The following PPP4R3B variants were observed in gnomAD, a reference collection of about 807,000 sequenced individuals.
The protein encoded by PPP4R3B is serine/threonine-protein phosphatase 4 regulatory subunit 3B.
A neutral mutation model predicts 95.4 loss-of-function variants in PPP4R3B; 52 were observed. The ratio of observed to expected loss-of-function variants is 0.54; its 90% confidence interval spans 0.44 to 0.69. The LOEUF is 0.69. PPP4R3B is among the 30% of genes least tolerant of loss of function. The pLI is 0.00. For synonymous variants in PPP4R3B, 407 were observed against 343.9 expected, an observed-to-expected ratio of 1.18 and a Z score of -2.03; for missense variants, 1,003 against 1,005.9, an observed-to-expected ratio of 1.00 and a Z score of 0.04.
intron 5 of PPP4R3B, among the ~76,000 whole-genome samples, chr2:55,588,646 A>C (rs1690520028): frequency 6.6e-6 from 1 of 152,202 alleles, no homozygotes; most frequent in African/African-American, 2.4e-5. Flanking sequence ...TAAGGCATAC[A>C]ATGGTGGGGG....
intron 15 of PPP4R3B, 75 bp from the exon 16 acceptor site, chr2:55,559,043 T>A: frequency 8.2e-7 from 1 of 1,224,726 alleles, no homozygotes; most frequent in South Asian, 1.5e-5. Context: ...CAGCAGTAAT[T>A]AAAAAACTTA....
At chr2:55,555,085 C>G (rs1685672990) in intron 16 of PPP4R3B, among the ~76,000 whole-genome samples, 1 of 151,864 alleles carries the variant, frequency 6.6e-6, no homozygotes, top group Non-Finnish European at 1.5e-5. Flanking sequence ...TCGAGAACAT[C>G]CTGGCTAACA....
At chr2:55,596,494 T>C (rs1343269512) in intron 4 of PPP4R3B, among the ~76,000 whole-genome samples, 1 of 152,242 alleles carries the variant, frequency 6.6e-6, no homozygotes, top group Non-Finnish European at 1.5e-5. Flanking sequence ...ATATCACTAT[T>C]AAAACCAGAA....
intron 5 of PPP4R3B, among the ~76,000 whole-genome samples, chr2:55,586,963 G>C (rs1017668115): frequency 1.3e-5 from 2 of 152,154 alleles, no homozygotes; most frequent in African/African-American, 4.8e-5. Context: ...ACCAATACAA[G>C]GTAAATGTAA....
chr2:55,553,044 G>C (rs765328508), intron 16 of PPP4R3B, among the ~76,000 whole-genome samples: 1 of 152,158 alleles, frequency 6.6e-6, no homozygotes, highest in Non-Finnish European at 1.5e-5. Flanking sequence ...TGACAGCCAG[G>C]AGATTTCTGT....
rs1464006406 is a variant in PPP4R3B at position 55,572,092 on chromosome 2, C to T, written c.1765+1527G>A. ...CTGTTGGCTATGTATCTAGGAAACACTCATTTCAAACACTCTCATTTCAAA... is the reference window on the plus strand; with the variant it reads ...CTGTTGGCTATGTATCTAGGAAACATTCATTTCAAACACTCTCATTTCAAA... On this transcript the variant is annotated intron_variant, in intron 12 of 16. Transcript: ENST00000616407. 2.6e-5 allele frequency among the ~76,000 whole-genome samples: 4 copies of T among 152,188 alleles called. No individual in the cohort carries two copies. In the South Asian group the frequency reaches 6.2e-4, roughly 24 times the overall value.
At chr2:55,573,271 T>C (rs1485705887) in intron 12 of PPP4R3B, among the ~76,000 whole-genome samples, 2 of 152,142 alleles carry the variant, frequency 1.3e-5, no homozygotes, top group Non-Finnish European at 2.9e-5. Context: ...AAAATCAACA[T>C]TGATGCAAAT....
At chr2:55,597,251 C>T (rs1277468517) in intron 4 of PPP4R3B, among the ~76,000 whole-genome samples, 2 of 152,086 alleles carry the variant, frequency 1.3e-5, no homozygotes. Context: ...CTTTGGGAGG[C>T]CGGGGCAGGT....
chr2:55,565,329 T>TAG (rs1417314634), intron 13 of PPP4R3B, among the ~76,000 whole-genome samples: 3 of 148,238 alleles, frequency 2.0e-5, no homozygotes, highest in Non-Finnish European at 3.0e-5. Context: ...TATATATATA[T>TAG]AGCAGTTTAC....
intron 16 of PPP4R3B, among the ~76,000 whole-genome samples, chr2:55,555,787 C>A (rs1028290722): frequency 2.6e-5 from 4 of 152,130 alleles, no homozygotes; most frequent in African/African-American, 7.2e-5. Flanking sequence ...TGCAGGAAAT[C>A]TCTAATGTCC....
intron 2 of PPP4R3B, among the ~76,000 whole-genome samples, chr2:55,613,808 G>A (rs1305274081): frequency 9.7e-6 from 1 of 103,488 alleles, no homozygotes; most frequent in Non-Finnish European, 1.7e-5. Context: ...GGGAAATATG[G>A]TAAAAAAAAA....
intron 12 of PPP4R3B, among the ~76,000 whole-genome samples, chr2:55,570,981 A>C (rs148985328): frequency 4.6e-5 from 7 of 152,204 alleles, no homozygotes; most frequent in Non-Finnish European, 1.0e-4. Flanking sequence ...ACTGCTTATA[A>C]TAATAGAAAT....
intron 2 of PPP4R3B, among the ~76,000 whole-genome samples, chr2:55,609,779 A>G (rs1693919267): frequency 6.6e-6 from 1 of 152,160 alleles, no homozygotes; most frequent in South Asian, 2.1e-4. Context: ...AACAGTATAC[A>G]GTATGCTACC....
chr2:55,552,870 C>G (rs1320281890), intron 16 of PPP4R3B, among the ~76,000 whole-genome samples: 1 of 152,064 alleles, frequency 6.6e-6, no homozygotes, highest in South Asian at 2.1e-4. Context: ...AGGAAGAAGC[C>G]AAGAACTAAG....
intron 15 of PPP4R3B, among the ~76,000 whole-genome samples, chr2:55,563,355 T>A (rs1261489748): frequency 1.3e-5 from 2 of 152,224 alleles, no homozygotes; most frequent in Non-Finnish European, 2.9e-5. Context: ...CAAGAAAGGC[T>A]TTTATCTTCT....
chr2:55,574,795 C>T (rs941135268), intron 11 of PPP4R3B, among the ~76,000 whole-genome samples: 3 of 151,376 alleles, frequency 2.0e-5, no homozygotes, highest in Non-Finnish European at 2.9e-5. Context: ...GAGGTTTCAC[C>T]GTGTTAGCCA....
intron 11 of PPP4R3B, among the ~76,000 whole-genome samples, chr2:55,575,669 C>T (rs761990490): frequency 6.6e-6 from 1 of 151,500 alleles, no homozygotes; most frequent in African/African-American, 2.4e-5. Context: ...AACTCCTGGG[C>T]TCAACCAATC....
chr2:55,613,219 T>C (rs1572754390), intron 2 of PPP4R3B, among the ~76,000 whole-genome samples: 2 of 152,094 alleles, frequency 1.3e-5, no homozygotes, highest in East Asian at 1.9e-4. Flanking sequence ...CCCTATGATT[T>C]CAATTAGAAA....
intron 9 of PPP4R3B, among the ~76,000 whole-genome samples, chr2:55,578,675 C>G (rs1408617616): frequency 1.3e-5 from 2 of 151,926 alleles, no homozygotes; most frequent in African/African-American, 4.8e-5. Context: ...ATTCTTGTAC[C>G]TGTCATGCAT....
Sources: gnomAD v4.1 joint callset for allele counts (sites outside exome capture counted in the v4.1 genomes callset) on GRCh38, gnomAD v4.1.1 for gene constraint, MANE v1.5 for transcripts, NCBI Gene and HGNC (gene_info 2026-07-23, HGNC 2026-07-21) for gene names.